CFAP221: variants seen among roughly 807,000 people sequenced by gnomAD.
CFAP221 encodes cilia- and flagella-associated protein 221.
Under a neutral mutation model 113.1 loss-of-function variants are expected in CFAP221, and 97 were observed. The observed-to-expected ratio is 0.86, with a 90% CI of 0.73 to 1.02. The LOEUF (loss-of-function observed/expected upper bound fraction) is 1.02. CFAP221 is among the 50% of genes least tolerant of loss of function. The pLI is 0.00. For missense variants in CFAP221, 1,025 were observed against 1,013.4 expected, an observed-to-expected ratio of 1.01 and a Z score of -0.16; for synonymous variants, 331 against 354.4, an observed-to-expected ratio of 0.93 and a Z score of 0.74.
intron 14 of CFAP221, among the ~76,000 whole-genome samples, chr2:119,621,036 C>T (rs1685876240): frequency 6.6e-6 from 1 of 151,512 alleles, no homozygotes; most frequent in African/African-American, 2.4e-5. Flanking sequence ...ACCAGTCTGA[C>T]CAACATGGAG....
intron 19 of CFAP221, among the ~76,000 whole-genome samples, chr2:119,632,468 G>A (rs189340983): frequency 1.4e-3 from 213 of 152,150 alleles, no homozygotes; most frequent in Middle Eastern, 3.4e-3. Flanking sequence ...GCAAGTGCGG[G>A]ATAGAAGGGA....
chr2:119,642,847 G>A (rs2104796448), intron 21 of CFAP221, among the ~76,000 whole-genome samples: 1 of 148,922 alleles, frequency 6.7e-6, no homozygotes, highest in East Asian at 2.0e-4. Context: ...AGCTTCTCAG[G>A]CCTCTTTGAT....
intron 5 of CFAP221, 58 bp downstream of exon 5, chr2:119,560,084 A>G (rs1156785105): frequency 2.6e-5 from 32 of 1,244,770 alleles, no homozygotes; most frequent in Non-Finnish European, 3.4e-5. Flanking sequence ...GTTAAAACTT[A>G]CATTCTCAAT....
Position 119,618,080 on chromosome 2 carries a change from C to CATT in CFAP221, c.1410+2374_1410+2376dup, listed in dbSNP as rs568874036. On this transcript the variant is annotated intron_variant, in intron 14 of 23. Transcript: ENST00000413369. ...CAGCCCCTCCAGTCATGGCCTCAGG[C>CATT]ATTATCCTCTTATTTTCTTCAGGGT... Among the ~76,000 whole-genome samples the CATT allele has an allele frequency of 2.0e-4, 30 of 152,284 alleles. 1 individual carries two copies. The South Asian group carries it at 5.6e-3, about 28-fold the overall frequency.
At chr2:119,565,278 C>G (rs542345862) in intron 6 of CFAP221, among the ~76,000 whole-genome samples, 2 of 152,268 alleles carry the variant, frequency 1.3e-5, no homozygotes, top group African/African-American at 4.8e-5. Flanking sequence ...TCCACTCACT[C>G]TCTGAATTTT....
intron 2 of CFAP221, among the ~76,000 whole-genome samples, chr2:119,546,774 C>T (rs879126910): frequency 6.6e-6 from 1 of 152,232 alleles, no homozygotes; most frequent in Admixed American, 6.5e-5. Flanking sequence ...ACATGAGGTT[C>T]CTTCCTGTCC....
At chr2:119,555,278 C>CG (rs1680710459) in intron 3 of CFAP221, among the ~76,000 whole-genome samples, 1 of 152,084 alleles carries the variant, frequency 6.6e-6, no homozygotes, top group African/African-American at 2.4e-5. Context: ...CAGGGACCCC[C>CG]AGGCCAGCAG....
At chr2:119,639,491 A>G (rs1286039991) in intron 20 of CFAP221, among the ~76,000 whole-genome samples, 2 of 152,224 alleles carry the variant, frequency 1.3e-5, no homozygotes, top group African/African-American at 4.8e-5. Context: ...AATAAACAAA[A>G]TAGATTCTAA....
intron 19 of CFAP221, among the ~76,000 whole-genome samples, chr2:119,633,603 A>G (rs997887029): frequency 1.3e-5 from 2 of 151,732 alleles, no homozygotes; most frequent in African/African-American, 4.8e-5. Flanking sequence ...ACCAAAATAT[A>G]TAAGAAACTT....
chr2:119,568,891 T>C (rs1471491588), intron 6 of CFAP221, among the ~76,000 whole-genome samples: 1 of 152,232 alleles, frequency 6.6e-6, no homozygotes, highest in Non-Finnish European at 1.5e-5. Flanking sequence ...GCAGGTCCAC[T>C]GGCAACAAAT....
chr2:119,647,884 C>G (rs1042853387), intron 22 of CFAP221, among the ~76,000 whole-genome samples: 2 of 152,092 alleles, frequency 1.3e-5, no homozygotes, highest in Non-Finnish European at 2.9e-5. Flanking sequence ...AAATTAGATT[C>G]CATTAGAAGA....
intron 9 of CFAP221, 31 bp downstream of exon 9, chr2:119,604,823 A>G: frequency 6.2e-7 from 1 of 1,601,516 alleles, no homozygotes; most frequent in Non-Finnish European, 8.5e-7. Context: ...GGTGCGATGA[A>G]AGGGTGACAG....
chr2:119,544,733 C>T (rs1679927725), intron 1 of CFAP221, among the ~76,000 whole-genome samples: 1 of 152,004 alleles, frequency 6.6e-6, no homozygotes, highest in African/African-American at 2.4e-5. Context: ...AATGAAAGGT[C>T]GCGGAGGGGA....
intron 13 of CFAP221, 45 bp from the exon 14 acceptor site, chr2:119,615,566 A>G: frequency 1.5e-6 from 2 of 1,338,810 alleles, no homozygotes; most frequent in Non-Finnish European, 2.1e-6. Flanking sequence ...TTATGACAGG[A>G]GTTAAAATTT....
At chr2:119,625,031 AAAG>A (rs1382428869) in intron 14 of CFAP221, among the ~76,000 whole-genome samples, 1 of 152,280 alleles carries the variant, frequency 6.6e-6, no homozygotes, top group African/African-American at 2.4e-5. Flanking sequence ...TAAAAAAAAA[AAAG>A]AGCTGCTTAC....
intron 6 of CFAP221, among the ~76,000 whole-genome samples, chr2:119,568,599 T>C (rs1190102273): frequency 1.3e-5 from 2 of 152,342 alleles, no homozygotes; most frequent in East Asian, 1.9e-4. Flanking sequence ...TGTTTGATTT[T>C]CTGTTCCTGT....
At chr2:119,638,184 T>G in intron 19 of CFAP221, 75 bp from the exon 20 acceptor site, 2 of 1,503,014 alleles carry the variant, frequency 1.3e-6, no homozygotes, top group Non-Finnish European at 1.8e-6. Context: ...ACAGACAGCA[T>G]TAGCTGATGC....
intron 7 of CFAP221, among the ~76,000 whole-genome samples, chr2:119,591,023 C>T (rs974906497): frequency 2.0e-5 from 3 of 152,156 alleles, no homozygotes; most frequent in Non-Finnish European, 4.4e-5. Flanking sequence ...GGCTATATGA[C>T]TGCTTACAGA....
intron 6 of CFAP221, among the ~76,000 whole-genome samples, chr2:119,562,748 A>G (rs918904257): frequency 3.3e-5 from 5 of 152,190 alleles, no homozygotes; most frequent in East Asian, 3.8e-4. Flanking sequence ...CTGTCCCTAG[A>G]TGGATATTGA....
Sources: gnomAD v4.1 joint callset for allele counts (sites outside exome capture counted in the v4.1 genomes callset) on GRCh38, gnomAD v4.1.1 for gene constraint, MANE v1.5 for transcripts, NCBI Gene and HGNC (gene_info 2026-07-23, HGNC 2026-07-21) for gene names.